The following PHEX variants were observed in gnomAD, a reference collection of about 807,000 sequenced individuals.
PHEX encodes the protein phosphate-regulating neutral endopeptidase PHEX.
PHEX carries 16 observed loss-of-function variants against 68.0 expected under a neutral mutation model. The observed-to-expected ratio is 0.24, with a 90% CI of 0.16 to 0.36. PHEX has a LOEUF of 0.36. Ranked by LOEUF, PHEX falls within the 10% of genes least tolerant of loss-of-function variation. The pLI is 1.00. For synonymous variants in PHEX, 208 were observed against 205.1 expected (o/e 1.01, Z -0.12); for missense variants, 480 against 575.5 (o/e 0.83, Z 1.70).
At chrX:22,178,201 T>A in intron 13 of PHEX, 72 bp from the exon 14 acceptor site, 1 of 668,166 alleles carries the variant, frequency 1.5e-6, no homozygotes. Flanking sequence ...CTCCTTCCTA[T>A]GCTGAAGTAT....
At chrX:22,103,324 A>G (rs1240010481) in intron 9 of PHEX, among the ~76,000 whole-genome samples, 2 of 110,741 alleles carry the variant, frequency 1.8e-5, no homozygotes, top group Non-Finnish European at 3.8e-5. Context: ...TTTTATTTCA[A>G]TAATTTTGGG....
chrX:22,110,564 G>A (rs773319152), intron 9 of PHEX, among the ~76,000 whole-genome samples: 2 of 109,291 alleles, frequency 1.8e-5, no homozygotes, highest in South Asian at 4.0e-4. Flanking sequence ...AACTCAACTC[G>A]TCATTTACAT....
intron 15 of PHEX, among the ~76,000 whole-genome samples, chrX:22,191,261 C>T (rs1375996239): frequency 8.9e-6 from 1 of 111,931 alleles, no homozygotes; most frequent in East Asian, 2.8e-4. Context: ...CTCCTGGCCT[C>T]AAGTGATCTG....
intron 14 of PHEX, among the ~76,000 whole-genome samples, chrX:22,186,339 T>G (rs1347770313): frequency 8.9e-6 from 1 of 112,054 alleles, no homozygotes; most frequent in African/African-American, 3.2e-5. Context: ...ACACTGTCAT[T>G]TCTGCTGCGT....
At chrX:22,125,824 ATT>A (rs71663547) in intron 11 of PHEX, among the ~76,000 whole-genome samples, 15 of 107,196 alleles carry the variant, frequency 1.4e-4, no homozygotes, top group African/African-American at 4.7e-4. Flanking sequence ...GGTACCATGC[ATT>A]TTTTTTTTCC....
chrX:22,226,874 T>A (rs1432200952), intron 19 of PHEX, among the ~76,000 whole-genome samples: 2 of 111,360 alleles, frequency 1.8e-5, no homozygotes, highest in Non-Finnish European at 3.8e-5. Context: ...CCTATAAATT[T>A]CTCTTAAAAT....
chrX:22,045,818 C>T (rs1485244775), intron 2 of PHEX, among the ~76,000 whole-genome samples: 1 of 112,239 alleles, frequency 8.9e-6, no homozygotes. Flanking sequence ...CCCCAAGCTC[C>T]CTTCCAGGAT....
At chrX:22,210,208 G>A (rs1934874826) in intron 15 of PHEX, among the ~76,000 whole-genome samples, 1 of 111,549 alleles carries the variant, frequency 9.0e-6, no homozygotes, top group African/African-American at 3.3e-5. Flanking sequence ...ACATGCCTAA[G>A]GGCATCAGAT....
chrX:22,098,792 T>C (rs1323234880), intron 8 of PHEX, among the ~76,000 whole-genome samples: 4 of 29,393 alleles, frequency 1.4e-4, no homozygotes, highest in African/African-American at 4.3e-4. Flanking sequence ...AGCGAGAATG[T>C]CTCAAAAAAA....
chrX:22,246,488 A>T (rs891178755), intron 21 of PHEX, among the ~76,000 whole-genome samples: 1 of 111,834 alleles, frequency 8.9e-6, no homozygotes, highest in South Asian at 3.8e-4. Context: ...CTATGTTGGA[A>T]ATTTCTCCCC....
intron 3 of PHEX, among the ~76,000 whole-genome samples, chrX:22,062,316 G>A (rs766842674): frequency 9.0e-6 from 1 of 111,389 alleles, no homozygotes; most frequent in Non-Finnish European, 1.9e-5. Context: ...AGTATTGTCC[G>A]ATAGAAATAT....
intron 7 of PHEX, among the ~76,000 whole-genome samples, chrX:22,095,887 G>A (rs759675552): frequency 2.7e-5 from 3 of 112,194 alleles, no homozygotes; most frequent in East Asian, 5.6e-4. Flanking sequence ...AGCCAAATAC[G>A]TCCTTGTAAT....
chrX:22,049,025 A>C (rs1927684455), intron 3 of PHEX, among the ~76,000 whole-genome samples: 1 of 112,369 alleles, frequency 8.9e-6, no homozygotes, highest in East Asian at 2.8e-4. Flanking sequence ...AATTTTTAAA[A>C]TTAGTTGGTA....
At chrX:22,245,053 G>A (rs1261627589) in intron 20 of PHEX, among the ~76,000 whole-genome samples, 1 of 111,959 alleles carries the variant, frequency 8.9e-6, no homozygotes, top group African/African-American at 3.2e-5. Context: ...TACACTGGTC[G>A]ATTCCTGGGC....
At chrX:22,035,957 C>A in intron 1 of PHEX, among the ~76,000 whole-genome samples, 1 of 100,002 alleles carries the variant, frequency 1.0e-5, no homozygotes, top group East Asian at 3.1e-4. Flanking sequence ...TAATGCTCTT[C>A]CTTGAGGGGT....
chrX:22,044,632 G>A (rs183149769), intron 2 of PHEX, among the ~76,000 whole-genome samples: 173 of 109,673 alleles, frequency 1.6e-3, no homozygotes, highest in African/African-American at 5.2e-3. Flanking sequence ...AGAATGGTGT[G>A]AACCTGGGAG....
chrX:22,221,836 GT>G, intron 18 of PHEX, 93 bp downstream of exon 18: 1 of 802,412 alleles, frequency 1.2e-6, no homozygotes, highest in Non-Finnish European at 1.9e-6. Context: ...CTCAAAGCGT[GT>G]TTACAAGATC....
At chrX:22,229,940 TC>T (rs1384759435) in intron 20 of PHEX, among the ~76,000 whole-genome samples, 1 of 111,871 alleles carries the variant, frequency 8.9e-6, no homozygotes, top group Non-Finnish European at 1.9e-5. Context: ...AAGGAAGGGA[TC>T]CAGTTTGTTT....
chrX:22,179,718 G>A (rs1292608592), intron 14 of PHEX, among the ~76,000 whole-genome samples: 1 of 111,363 alleles, frequency 9.0e-6, no homozygotes, highest in Non-Finnish European at 1.9e-5. Context: ...CTATTTCTCT[G>A]TTGTGATTCT....
Sources: gnomAD v4.1 joint callset for allele counts (sites outside exome capture counted in the v4.1 genomes callset) on GRCh38, gnomAD v4.1.1 for gene constraint, MANE v1.5 for transcripts, NCBI Gene and HGNC (gene_info 2026-07-23, HGNC 2026-07-21) for gene names.